Variants in DST observed in about 807,000 individuals in gnomAD.
The protein encoded by DST is dystonin.
A neutral mutation model predicts 875.2 loss-of-function variants in DST; 253 were observed. That is an observed-to-expected ratio of 0.29 (90% confidence interval 0.26 to 0.32). The LOEUF is 0.32. DST is among the 10% of genes least tolerant of loss of function. The probability of loss-of-function intolerance (pLI) is 1.00; values close to 1 mark genes in which losing one functional copy is unlikely to be tolerated. For synonymous variants in DST, 3,124 were observed against 3,197.1 expected (o/e 0.98, Z 0.77); for missense variants, 8,287 against 9,111.6 (o/e 0.91, Z 3.68).
At chr6:56,809,769 CTG>C (rs910688336) in intron 4 of DST, among the ~76,000 whole-genome samples, 2 of 152,102 alleles carry the variant, frequency 1.3e-5, no homozygotes, top group Admixed American at 6.5e-5. Context: ...AGAAAAGAAA[CTG>C]ATATATTTTA....
chr6:56,687,990 C>G (rs2099199998), intron 9 of DST, among the ~76,000 whole-genome samples: 1 of 152,132 alleles, frequency 6.6e-6, no homozygotes, highest in Admixed American at 6.6e-5. Flanking sequence ...TTTACTTATA[C>G]AAACAGAGGG....
Position 56,529,964 on chromosome 6 carries a change from T to C in DST, c.17268+10A>G, listed in dbSNP as rs2096866977. The C allele has an allele frequency of 1.2e-6, 2 of 1,612,284 alleles. No individual in the cohort carries two copies. The highest frequency in any genetic ancestry group is 2.7e-5 in the African/African-American group (2 of 74,862). ...AACTGAACCTCGCTAATGTGTGATT[T>C]ATATCTTACTTTGTGCTGTGCAATT... is the stretch of plus-strand genomic sequence containing the variant. On this transcript the variant is annotated intron_variant, in intron 65 of 103. Transcript: ENST00000680361.
intron 4 of DST, among the ~76,000 whole-genome samples, chr6:56,738,521 C>T (rs559653824): frequency 1.5e-4 from 23 of 152,182 alleles, no homozygotes; most frequent in African/African-American, 5.1e-4. Context: ...GGGGTTTCAC[C>T]GTGTTAGCCA....
At chr6:56,807,665 T>C (rs966408615) in intron 4 of DST, among the ~76,000 whole-genome samples, 1 of 152,156 alleles carries the variant, frequency 6.6e-6, no homozygotes, top group African/African-American at 2.4e-5. Flanking sequence ...CAAATAGTGC[T>C]GGAAAAACTA....
At chr6:56,942,698 C>T (rs1477158769) in intron 2 of DST, among the ~76,000 whole-genome samples, 2 of 134,788 alleles carry the variant, frequency 1.5e-5, no homozygotes, top group Non-Finnish European at 3.1e-5. Context: ...CTAATATTTG[C>T]CATTTCTCTT....
At position 56,714,642 on chromosome 6, in the gene DST, A is replaced by G. The variant is rs2099388688; in HGVS notation, c.688-10273T>C. Among the ~76,000 whole-genome samples, 1 of 152,350 alleles carries G rather than the reference A, an allele frequency of 6.6e-6. No homozygotes were observed. The highest frequency in any genetic ancestry group is 2.1e-4 in the South Asian group (1 of 4,828). ...GGCCACACTTCTGAAAGTGAACCAC[A>G]TAACAGCTATGGGTTTACTGGAAGA... is the stretch of plus-strand genomic sequence containing the variant. On this transcript the variant is annotated intron_variant, in intron 5 of 103. Transcript: ENST00000680361. This position sits in a 1 kb window ranked among gnomAD's most constrained non-coding sequence, Gnocchi z 4.5.
chr6:56,848,981 G>C (rs1763523899), intron 4 of DST, among the ~76,000 whole-genome samples: 1 of 151,990 alleles, frequency 6.6e-6, no homozygotes, highest in Admixed American at 6.6e-5. Flanking sequence ...GGAGGTTGCA[G>C]TGAGCCAAGA....
chr6:56,703,541 T>C (rs2099319755), intron 7 of DST, 107 bp downstream of exon 7: 1 of 277,624 alleles, frequency 3.6e-6, no homozygotes. Flanking sequence ...TGGCCCTTTC[T>C]ATGCTTTTCT....
Position 56,561,430 on chromosome 6 carries a change from G to T in DST, c.14188C>A (p.Gln4730Lys). The T allele has an allele frequency of 6.2e-7, 1 of 1,613,802 alleles. No homozygotes were observed. The highest frequency in any genetic ancestry group is 8.5e-7 in the Non-Finnish European group (1 of 1,179,810). Residue 4730 changes from glutamine to lysine, a missense_variant, in exon 57 of 104, where the codon CAG becomes AAG. Physicochemically the swap from Gln to Lys is moderately conservative, Grantham distance 53. Around this residue, in one of 10 missense-constraint regions of DST, gnomAD observed 1,513 missense variants for 1,677.8 expected, o/e 0.90. Coordinates refer to ENST00000680361, the MANE Select transcript of DST (RefSeq NM_001374736.1). ...NTKLSKLQKAQEESSAMMQWL... is the reference protein window; with the variant it reads ...NTKLSKLQKAKEESSAMMQWL... ...TGCATCATTGCACTTGATTCTTCCT[G>T]AGCCTTTTGCAATTTGGAGAGTTTA... is the stretch of plus-strand genomic sequence containing the variant.
At chr6:56,790,989 A>T (rs935566811) in intron 4 of DST, among the ~76,000 whole-genome samples, 1 of 152,234 alleles carries the variant, frequency 6.6e-6, no homozygotes, top group East Asian at 1.9e-4. Context: ...GAAAGGTTGA[A>T]GGTGAGAGAC....
At chr6:56,503,814 C>A (rs1027868205) in intron 78 of DST, among the ~76,000 whole-genome samples, 183 bp downstream of exon 78, 2 of 152,044 alleles carry the variant, frequency 1.3e-5, no homozygotes, top group African/African-American at 2.4e-5. Context: ...AATAGTATTT[C>A]TTTCCTTTAT....
intron 4 of DST, among the ~76,000 whole-genome samples, chr6:56,787,287 C>CA (rs1057460435): frequency 1.9e-4 from 29 of 152,160 alleles, no homozygotes; most frequent in South Asian, 1.0e-3. Flanking sequence ...ATTCTATTCA[C>CA]AAAAAATAAG....
At chr6:56,727,020 C>T (rs1004666204) in intron 5 of DST, among the ~76,000 whole-genome samples, 1 of 152,112 alleles carries the variant, frequency 6.6e-6, no homozygotes, top group Admixed American at 6.5e-5. Flanking sequence ...AATCTTGGGG[C>T]CCCAAAATCA....
intron 98 of DST, 120 bp from the exon 99 acceptor site, chr6:56,466,315 T>C (rs913961344): frequency 1.7e-5 from 10 of 577,586 alleles, no homozygotes; most frequent in Non-Finnish European, 2.6e-5. Context: ...TTCATAGCGA[T>C]TAGTAAAATC....
At chr6:56,650,744 T>C (rs1466094232) in intron 12 of DST, among the ~76,000 whole-genome samples, 182 bp downstream of exon 12, 1 of 152,200 alleles carries the variant, frequency 6.6e-6, no homozygotes, top group Non-Finnish European at 1.5e-5. Context: ...AGTTATACTT[T>C]AAATTTAATG....
intron 2 of DST, among the ~76,000 whole-genome samples, chr6:56,926,617 G>C (rs1807232119): frequency 6.6e-6 from 1 of 152,132 alleles, no homozygotes; most frequent in South Asian, 2.1e-4. Flanking sequence ...GAAATGATGA[G>C]CCAGGCAGCT....
chr6:56,867,943 A>T (rs577656413), intron 3 of DST, among the ~76,000 whole-genome samples: 11 of 152,362 alleles, frequency 7.2e-5, no homozygotes, highest in African/African-American at 2.6e-4. Context: ...TTTAATAAAC[A>T]GACGGGTGTG....
At chr6:56,593,327 A>G (rs1000921218) in intron 48 of DST, among the ~76,000 whole-genome samples, 1 of 151,990 alleles carries the variant, frequency 6.6e-6, no homozygotes, top group Non-Finnish European at 1.5e-5. Context: ...CATCCTGGCT[A>G]ATACAGTGAA....
chr6:56,616,173 C>G lies in DST; in HGVS notation c.4930-1689G>C, dbSNP rs143148236. The G allele has an allele frequency of 3.7e-6, 6 of 1,614,086 alleles. No homozygotes were observed. The African/African-American group carries it at 5.3e-5, about 14-fold the overall frequency. On this transcript the variant is annotated intron_variant, in intron 36 of 103. Transcript: ENST00000680361. ...GGGACTAACCGGCTCAGCAAAGAAT[C>G]AGCAAGTTCTGTAAGTGTGATGAGG...
Sources: allele counts gnomAD v4.1 joint callset (sites outside exome capture counted in the v4.1 genomes callset), GRCh38; gene constraint gnomAD v4.1.1; regional missense constraint gnomAD v4.1.1; non-coding constraint Gnocchi (gnomAD v3.1); transcripts MANE v1.5; gene names NCBI Gene and HGNC (gene_info 2026-07-23, HGNC 2026-07-21).